Variants in FRMD5 observed in about 807,000 individuals in gnomAD.
FRMD5 encodes FERM domain containing 5, also known as FERM domain-containing protein 5.
Under a neutral mutation model 69.0 loss-of-function variants are expected in FRMD5, and 20 were observed. The observed-to-expected ratio is 0.29, with a 90% CI of 0.20 to 0.42. FRMD5 has a LOEUF of 0.42. Among genes scored for constraint, FRMD5 ranks in the 10% least tolerant of loss-of-function variants. FRMD5 has a pLI of 1.00. For synonymous variants in FRMD5, 271 were observed against 260.1 expected, an observed-to-expected ratio of 1.04 and a Z score of -0.40; for missense variants, 595 against 708.6, an observed-to-expected ratio of 0.84 and a Z score of 1.82.
intron 7 of FRMD5, among the ~76,000 whole-genome samples, chr15:43,897,836 G>A (rs1310294764): frequency 1.3e-5 from 2 of 152,040 alleles, no homozygotes; most frequent in Admixed American, 1.3e-4. Context: ...TTGGACCATG[G>A]GGCAGTTTCC....
intron 1 of FRMD5, chr15:43,989,568 G>A (rs551614665): frequency 8.1e-6 from 7 of 863,326 alleles, no homozygotes; most frequent in South Asian, 2.6e-5. Context: ...ACAATTTCCC[G>A]CTTGGCTGTG....
At chr15:43,914,044 G>C (rs1238172462) in intron 4 of FRMD5, among the ~76,000 whole-genome samples, 1 of 152,206 alleles carries the variant, frequency 6.6e-6, no homozygotes, top group African/African-American at 2.4e-5. Context: ...GAATGCTAGT[G>C]TTGTCCTAAA....
intron 1 of FRMD5, among the ~76,000 whole-genome samples, chr15:43,949,750 C>G (rs908156502): frequency 1.3e-5 from 2 of 152,202 alleles, no homozygotes; most frequent in Admixed American, 1.3e-4. Context: ...ACACATTAAT[C>G]ATGCATTAGG....
At chr15:44,040,524 GA>G (rs1259876434) in intron 1 of FRMD5, among the ~76,000 whole-genome samples, 1 of 152,000 alleles carries the variant, frequency 6.6e-6, no homozygotes, top group South Asian at 2.1e-4. Flanking sequence ...TGTTCTTAAA[GA>G]AAAAAATTTT....
chr15:43,878,968 C>CATCT (rs1333082240), intron 13 of FRMD5, among the ~76,000 whole-genome samples: 1 of 141,074 alleles, frequency 7.1e-6, no homozygotes, highest in East Asian at 2.1e-4. Context: ...AATCTCACTC[C>CATCT]ATCTCATTGC....
chr15:44,161,540 G>T (rs2077616180), intron 1 of FRMD5, among the ~76,000 whole-genome samples: 2 of 152,146 alleles, frequency 1.3e-5, no homozygotes, highest in Non-Finnish European at 2.9e-5. Flanking sequence ...TTAAGGTTAT[G>T]TATAATTTTC....
intron 1 of FRMD5, among the ~76,000 whole-genome samples, chr15:44,019,501 C>T (rs1024296122): frequency 4.0e-5 from 6 of 150,964 alleles, no homozygotes; most frequent in Admixed American, 2.0e-4. Context: ...TTTGCAAGGC[C>T]GAGGCTGGTG....
chr15:44,044,429 T>C lies in FRMD5; in HGVS notation c.103-120120A>G, dbSNP rs561576125. Among the ~76,000 whole-genome samples, 4 of 151,820 alleles carry C rather than the reference T, an allele frequency of 2.6e-5. No individual in the cohort carries two copies. The South Asian group carries it at 8.3e-4, about 32-fold the overall frequency. On this transcript the variant is annotated intron_variant, in intron 1 of 13. Coordinates refer to ENST00000417257, the MANE Select transcript of FRMD5 (RefSeq NM_032892.5). The stretch of plus-strand genomic sequence containing the variant: ...AGCAATCCCATTACTGGGTATATAC[T>C]CAAAGGATCATTTTAGTATAAAGTC...
intron 1 of FRMD5, among the ~76,000 whole-genome samples, chr15:43,961,458 C>G (rs528666937): frequency 6.6e-6 from 1 of 152,124 alleles, no homozygotes; most frequent in Non-Finnish European, 1.5e-5. Context: ...GATTTGCAGC[C>G]GAATTCTACC....
chr15:43,989,426 G>A, intron 1 of FRMD5: 1 of 789,780 alleles, frequency 1.3e-6, no homozygotes. Context: ...CAGCAGAACT[G>A]CTTTTGCCGA....
chr15:44,170,971 C>G (rs1409968038), intron 1 of FRMD5, among the ~76,000 whole-genome samples: 2 of 152,200 alleles, frequency 1.3e-5, no homozygotes, highest in African/African-American at 2.4e-5. Flanking sequence ...CTATATTGCT[C>G]TATCTCATAA....
intron 1 of FRMD5, among the ~76,000 whole-genome samples, chr15:43,949,917 A>C (rs2090000971): frequency 1.3e-5 from 2 of 152,148 alleles, no homozygotes; most frequent in South Asian, 4.1e-4. Context: ...GGATGAAAGA[A>C]GAAGACATTT....
chr15:43,977,264 G>T (rs1043328788), intron 1 of FRMD5, among the ~76,000 whole-genome samples: 1 of 152,104 alleles, frequency 6.6e-6, no homozygotes, highest in Admixed American at 6.6e-5. Flanking sequence ...TTAAGGTATG[G>T]GTGAGGTTGA....
chr15:44,026,445 T>C (rs1019315828), intron 1 of FRMD5, among the ~76,000 whole-genome samples: 1 of 152,224 alleles, frequency 6.6e-6, no homozygotes, highest in Non-Finnish European at 1.5e-5. Context: ...ATGTTCTATC[T>C]AGTTTTTTTC....
chr15:44,026,547 C>G (rs1055999660), intron 1 of FRMD5, among the ~76,000 whole-genome samples: 4 of 152,054 alleles, frequency 2.6e-5, no homozygotes, highest in Non-Finnish European at 5.9e-5. Context: ...TTTATTTACT[C>G]AAGAGAACTG....
intron 1 of FRMD5, among the ~76,000 whole-genome samples, chr15:44,036,516 T>C (rs1016550237): frequency 6.6e-6 from 1 of 152,174 alleles, no homozygotes; most frequent in South Asian, 2.1e-4. Flanking sequence ...GGCTGTGTGA[T>C]TGCACAAGTT....
chr15:44,077,683 G>A, intron 1 of FRMD5, among the ~76,000 whole-genome samples: 1 of 152,012 alleles, frequency 6.6e-6, no homozygotes, highest in East Asian at 1.9e-4. Flanking sequence ...AGATAGGGGA[G>A]GAAACGAAGT....
At chr15:44,156,290 G>A (rs2077526659) in intron 1 of FRMD5, among the ~76,000 whole-genome samples, 1 of 151,964 alleles carries the variant, frequency 6.6e-6, no homozygotes, top group African/African-American at 2.4e-5. Context: ...ACTACAAGCA[G>A]GCGCCACCAC....
intron 1 of FRMD5, among the ~76,000 whole-genome samples, chr15:43,961,409 T>C (rs1267235431): frequency 1.3e-5 from 2 of 152,180 alleles, no homozygotes; most frequent in Non-Finnish European, 2.9e-5. Flanking sequence ...GAGGCAATAA[T>C]TAATAGCTTA....
Sources: gnomAD v4.1 joint callset for allele counts (sites outside exome capture counted in the v4.1 genomes callset) on GRCh38, gnomAD v4.1.1 for gene constraint, MANE v1.5 for transcripts, NCBI Gene and HGNC (gene_info 2026-07-23, HGNC 2026-07-21) for gene names.